Variants in NELL1 observed in about 807,000 individuals in gnomAD.
The protein encoded by NELL1 is protein kinase C-binding protein NELL1.
In NELL1, 76 loss-of-function variants were observed where a neutral mutation model predicts 107.4. The ratio of observed to expected loss-of-function variants is 0.71; its 90% CI spans 0.59 to 0.86. The LOEUF (loss-of-function observed/expected upper bound fraction) is 0.86, where lower values mean the gene tolerates loss of function less well. Among genes scored for constraint, NELL1 ranks in the 40% least tolerant of loss-of-function variants. The pLI is 0.00. For synonymous variants in NELL1, 353 were observed against 341.2 expected, an observed-to-expected ratio of 1.03 and a Z score of -0.38; for missense variants, 1,024 against 1,005.5, an observed-to-expected ratio of 1.02 and a Z score of -0.25.
At chr11:21,430,117 A>T (rs904839031) in intron 15 of NELL1, among the ~76,000 whole-genome samples, 6 of 152,186 alleles carry the variant, frequency 3.9e-5, no homozygotes, top group Non-Finnish European at 8.8e-5. Flanking sequence ...AAGCAAGTAC[A>T]TGGAAGGCCA....
At chr11:21,360,680 G>A (rs972620931) in intron 14 of NELL1, among the ~76,000 whole-genome samples, 8 of 152,044 alleles carry the variant, frequency 5.3e-5, no homozygotes, top group African/African-American at 1.9e-4. Flanking sequence ...CCAGTATTAG[G>A]TGCATATGTA....
At chr11:21,326,004 G>A (rs1333015413) in intron 14 of NELL1, among the ~76,000 whole-genome samples, 1 of 138,484 alleles carries the variant, frequency 7.2e-6, no homozygotes, top group Non-Finnish European at 1.5e-5. Context: ...TATATGAATA[G>A]ACCCACAATT....
chr11:21,368,490 A>C (rs2133749734), intron 14 of NELL1, among the ~76,000 whole-genome samples: 1 of 152,150 alleles, frequency 6.6e-6, no homozygotes, highest in East Asian at 1.9e-4. Flanking sequence ...GGAAGGGGTA[A>C]GATTTCGAAG....
chr11:21,281,562 G>A (rs141868287), intron 14 of NELL1, among the ~76,000 whole-genome samples: 4 of 151,820 alleles, frequency 2.6e-5, no homozygotes, highest in Admixed American at 2.0e-4. Flanking sequence ...GTGAACTTAG[G>A]GGGTAGCCAG....
At chr11:20,906,343 G>C (rs576201255) in intron 5 of NELL1, among the ~76,000 whole-genome samples, 1 of 152,196 alleles carries the variant, frequency 6.6e-6, no homozygotes, top group African/African-American at 2.4e-5. Context: ...TAAAGTGTTT[G>C]AACTGGTAAC....
chr11:21,080,371 G>A (rs144488185), intron 12 of NELL1, among the ~76,000 whole-genome samples: 1 of 152,098 alleles, frequency 6.6e-6, no homozygotes, highest in East Asian at 1.9e-4. Flanking sequence ...GATCTGGCAT[G>A]AATATTCGGA....
At chr11:20,687,892 C>T (rs1854348271) in intron 2 of NELL1, among the ~76,000 whole-genome samples, 1 of 151,952 alleles carries the variant, frequency 6.6e-6, no homozygotes, top group African/African-American at 2.4e-5. Flanking sequence ...CATGCCTGGC[C>T]TTCTCTAACT....
At chr11:20,836,743 C>CA (rs932013128) in intron 3 of NELL1, among the ~76,000 whole-genome samples, 23 of 150,504 alleles carry the variant, frequency 1.5e-4, no homozygotes, top group East Asian at 3.9e-4. Flanking sequence ...TGGAAAAAGC[C>CA]AAAAAAAAGA....
chr11:20,995,584 A>AAG (rs1554956089), intron 12 of NELL1, among the ~76,000 whole-genome samples: 7,708 of 152,026 alleles, frequency 0.051, 233 homozygotes, highest in Middle Eastern at 0.13. Flanking sequence ...TTAAAAAAAA[A>AAG]AATCAGCGTC....
chr11:20,714,530 A>AT (rs34160861), intron 2 of NELL1, among the ~76,000 whole-genome samples: 141,819 of 148,126 alleles, frequency 0.96, 68,209 homozygotes, highest in East Asian at 1. Context: ...TTTATTTTTA[A>AT]TTTTTTTTTG....
At chr11:21,058,934 T>C (rs1258109802) in intron 12 of NELL1, among the ~76,000 whole-genome samples, 3 of 152,186 alleles carry the variant, frequency 2.0e-5, no homozygotes, top group African/African-American at 7.2e-5. Flanking sequence ...ATGAGATTCA[T>C]GATTTCTGTG....
chr11:21,389,008 A>T (rs992134633), intron 15 of NELL1, among the ~76,000 whole-genome samples: 1 of 151,690 alleles, frequency 6.6e-6, no homozygotes, highest in African/African-American at 2.4e-5. Context: ...CAGGAACACT[A>T]CACTCGTATT....
At chr11:21,525,559 A>G (rs1181911433) in intron 15 of NELL1, among the ~76,000 whole-genome samples, 2 of 152,238 alleles carry the variant, frequency 1.3e-5, no homozygotes, top group Non-Finnish European at 2.9e-5. Context: ...AAGGTCTCCC[A>G]TATTCTAGAA....
At chr11:21,282,462 C>A (rs1276679242) in intron 14 of NELL1, among the ~76,000 whole-genome samples, 7 of 123,384 alleles carry the variant, frequency 5.7e-5, no homozygotes, top group Non-Finnish European at 9.6e-5. Context: ...AGGGGCAACA[C>A]AGTGAGACTC....
intron 2 of NELL1, among the ~76,000 whole-genome samples, chr11:20,774,908 A>G (rs1384495670): frequency 1.3e-5 from 2 of 152,096 alleles, no homozygotes; most frequent in Non-Finnish European, 2.9e-5. Flanking sequence ...GTGTGTATTA[A>G]AATGGCACCT....
At position 21,451,761 on chromosome 11, in the gene NELL1, T is replaced by C. The variant is rs191895307; in HGVS notation, c.1645+80813T>C. Among the ~76,000 whole-genome samples the C allele has an allele frequency of 3.0e-3, 451 of 152,294 alleles. 2 individuals carry two copies. The highest frequency in any genetic ancestry group is 0.01 in the African/African-American group (426 of 41,564). ...AACCAATGGAGGCTTCAGAGACTGC[T>C]TTTCTTCCCTATGAAATAAAATTAT... On this transcript the variant is annotated intron_variant, in intron 15 of 19. Transcript: ENST00000357134.
intron 11 of NELL1, 54 bp from the exon 12 acceptor site, chr11:20,960,378 G>A (rs1851265507): frequency 3.2e-6 from 5 of 1,566,710 alleles, no homozygotes; most frequent in East Asian, 2.2e-5. Flanking sequence ...TTTATTTTGG[G>A]GAGTTACTTT....
chr11:20,963,086 G>C (rs1851321216), intron 12 of NELL1, among the ~76,000 whole-genome samples: 1 of 151,954 alleles, frequency 6.6e-6, no homozygotes, highest in Non-Finnish European at 1.5e-5. Context: ...TTGATCTTTG[G>C]GCCTATGTTT....
intron 4 of NELL1, among the ~76,000 whole-genome samples, chr11:20,884,362 A>G (rs996651301): frequency 2.6e-5 from 4 of 152,136 alleles, no homozygotes; most frequent in Non-Finnish European, 4.4e-5. Context: ...AGCTGTCCGT[A>G]CCTCTGGACA....
Sources: allele counts gnomAD v4.1 joint callset (sites outside exome capture counted in the v4.1 genomes callset), GRCh38; gene constraint gnomAD v4.1.1; transcripts MANE v1.5; gene names NCBI Gene and HGNC (gene_info 2026-07-23, HGNC 2026-07-21).